DNER: variants seen among roughly 807,000 people sequenced by gnomAD.
DNER encodes delta/notch like EGF repeat containing.
In DNER, 33 loss-of-function variants were observed where a neutral mutation model predicts 78.2. The ratio of observed to expected loss-of-function variants is 0.42; its 90% confidence interval spans 0.32 to 0.56. The LOEUF (loss-of-function observed/expected upper bound fraction) is 0.56. Among genes scored for constraint, DNER ranks in the 20% least tolerant of loss-of-function variants. DNER has a pLI of 0.11. For missense variants in DNER, 918 were observed against 975.3 expected, an observed-to-expected ratio of 0.94 and a Z score of 0.78; for synonymous variants, 417 against 384.8, an observed-to-expected ratio of 1.08 and a Z score of -0.98.
intron 8 of DNER, among the ~76,000 whole-genome samples, chr2:229,439,130 TATCACCGGAGTC>T (rs1338042096): frequency 6.6e-6 from 1 of 152,196 alleles, no homozygotes; most frequent in African/African-American, 2.4e-5. Context: ...CTTAAATAGT[TATCACCGGAGTC>T]ACAGAAAGCC....
At chr2:229,452,860 T>A (rs1211389602) in intron 7 of DNER, among the ~76,000 whole-genome samples, 2 of 152,206 alleles carry the variant, frequency 1.3e-5, no homozygotes, top group Admixed American at 1.3e-4. Flanking sequence ...ACTCCTGACC[T>A]CAAGTGATCC....
At chr2:229,473,009 T>C (rs13424063) in intron 7 of DNER, among the ~76,000 whole-genome samples, 4,050 of 152,132 alleles carry the variant, frequency 0.027, 97 homozygotes, top group Middle Eastern at 0.048. Context: ...ACAGAGACAG[T>C]ACCCAGAACA....
chr2:229,697,784 A>G (rs1275202892), intron 1 of DNER, among the ~76,000 whole-genome samples: 1 of 152,222 alleles, frequency 6.6e-6, no homozygotes, highest in Non-Finnish European at 1.5e-5. Context: ...AGGAGAACCC[A>G]TGAAGGAAGC....
chr2:229,690,829 T>A (rs983085512), intron 1 of DNER, among the ~76,000 whole-genome samples: 1 of 152,230 alleles, frequency 6.6e-6, no homozygotes, highest in African/African-American at 2.4e-5. Context: ...TGTGTTTGTG[T>A]GTATACATGT....
intron 8 of DNER, among the ~76,000 whole-genome samples, chr2:229,422,091 A>C (rs1693780006): frequency 6.6e-6 from 1 of 152,188 alleles, no homozygotes; most frequent in Admixed American, 6.5e-5. Context: ...TCATATTCTA[A>C]AACCGTTTCT....
At chr2:229,685,533 A>C (rs1004737877) in intron 1 of DNER, among the ~76,000 whole-genome samples, 1 of 152,204 alleles carries the variant, frequency 6.6e-6, no homozygotes, top group Non-Finnish European at 1.5e-5. Flanking sequence ...CCTGCTCAGT[A>C]AACGCTAGCT....
At chr2:229,701,263 A>G (rs1030570340) in intron 1 of DNER, among the ~76,000 whole-genome samples, 1 of 152,262 alleles carries the variant, frequency 6.6e-6, no homozygotes, top group Admixed American at 6.5e-5. Flanking sequence ...AATGCAAGTT[A>G]GCAAAATTTA....
chr2:229,566,138 G>A (rs17677491), intron 4 of DNER, among the ~76,000 whole-genome samples: 11,522 of 152,218 alleles, frequency 0.076, 573 homozygotes, highest in East Asian at 0.16. Flanking sequence ...CTTCATAAAC[G>A]TTAGGGAGTC....
intron 1 of DNER, among the ~76,000 whole-genome samples, chr2:229,710,983 G>GCGCACACACACACA (rs1553555262): frequency 4.1e-4 from 57 of 139,810 alleles, no homozygotes; most frequent in Admixed American, 1.4e-3. Context: ...GCATACACGC[G>GCGCACACACACACA]CACACACACA....
intron 1 of DNER, among the ~76,000 whole-genome samples, chr2:229,633,037 G>A (rs1235182688): frequency 6.6e-6 from 1 of 152,152 alleles, no homozygotes; most frequent in African/African-American, 2.4e-5. Context: ...CTATGATGTT[G>A]TAAATTGGTA....
chr2:229,560,502 G>C (rs751192117), intron 4 of DNER, among the ~76,000 whole-genome samples: 1 of 152,088 alleles, frequency 6.6e-6, no homozygotes, highest in Non-Finnish European at 1.5e-5. Context: ...GCATTAACTC[G>C]GAGGTGGGGG....
rs199754775 is a variant in DNER, at chr2:229,407,187, G to C, written c.1723+45C>G. On this transcript the variant is annotated intron_variant, in intron 10 of 12. Coordinates refer to ENST00000341772, the MANE Select transcript of DNER (RefSeq NM_139072.4). ...GTTTTTTTAACATCTGCAATCTCGG[G>C]CACTTTGTGGTAAATTTGAAAACTC... 4 of 1,550,332 alleles carry C rather than the reference G, an allele frequency of 2.6e-6. No homozygotes were observed. In the African/African-American group the frequency reaches 5.4e-5, roughly 21 times the overall value.
At chr2:229,538,168 C>G (rs1156490031) in intron 5 of DNER, among the ~76,000 whole-genome samples, 1 of 152,188 alleles carries the variant, frequency 6.6e-6, no homozygotes, top group East Asian at 1.9e-4. Context: ...CACTTTCTCT[C>G]TCAGAGGTCC....
At chr2:229,647,855 G>A (rs1229019236) in intron 1 of DNER, among the ~76,000 whole-genome samples, 1 of 152,162 alleles carries the variant, frequency 6.6e-6, no homozygotes, top group African/African-American at 2.4e-5. Flanking sequence ...TGACATATTT[G>A]CATATACATG....
chr2:229,506,799 G>T (rs897728043), intron 6 of DNER, among the ~76,000 whole-genome samples: 1 of 151,986 alleles, frequency 6.6e-6, no homozygotes, highest in Non-Finnish European at 1.5e-5. Context: ...ATAGTTTGCT[G>T]AGAATGATGG....
chr2:229,553,631 G>T (rs1484308265), intron 4 of DNER, among the ~76,000 whole-genome samples: 2 of 152,206 alleles, frequency 1.3e-5, no homozygotes, highest in African/African-American at 4.8e-5. Flanking sequence ...TGCCAGCGCA[G>T]GTGGGTTCCT....
intron 11 of DNER, among the ~76,000 whole-genome samples, 165 bp from the exon 12 acceptor site, chr2:229,367,284 T>A (rs1692372993): frequency 1.3e-5 from 2 of 152,100 alleles, no homozygotes; most frequent in Admixed American, 1.3e-4. Flanking sequence ...CCTTACTACA[T>A]AAGGACTTCT....
intron 10 of DNER, among the ~76,000 whole-genome samples, chr2:229,405,806 G>T (rs767301700): frequency 2.0e-5 from 3 of 152,128 alleles, no homozygotes; most frequent in Admixed American, 6.5e-5. Context: ...AATTTTCAGT[G>T]GTGGGATTTT....
chr2:229,682,189 G>T (rs1443054269), intron 1 of DNER, among the ~76,000 whole-genome samples: 1 of 152,174 alleles, frequency 6.6e-6, no homozygotes, highest in East Asian at 1.9e-4. Context: ...GTGAAAACTA[G>T]TTCACAAATT....
Sources: allele counts gnomAD v4.1 joint callset (sites outside exome capture counted in the v4.1 genomes callset), GRCh38; gene constraint gnomAD v4.1.1; transcripts MANE v1.5; gene names NCBI Gene and HGNC (gene_info 2026-07-23, HGNC 2026-07-21).